TRAM1: variants seen among roughly 807,000 people sequenced by gnomAD.
The protein encoded by TRAM1 is translocation associated membrane protein 1.
A neutral mutation model predicts 48.7 loss-of-function variants in TRAM1; 17 were observed. The observed-to-expected ratio is 0.35, with a 90% confidence interval of 0.24 to 0.52. TRAM1 has a LOEUF of 0.52. Among genes scored for constraint, TRAM1 ranks in the 20% least tolerant of loss-of-function variants. The probability of loss-of-function intolerance (pLI) is 0.94; values close to 1 mark genes in which losing one functional copy is unlikely to be tolerated. For missense variants in TRAM1, 351 were observed against 441.5 expected, an observed-to-expected ratio of 0.79 and a Z score of 1.84; for synonymous variants, 182 against 154.0, an observed-to-expected ratio of 1.18 and a Z score of -1.34.
intron 2 of TRAM1, 107 bp from the exon 3 acceptor site, chr8:70,598,362 A>C (rs1817535721): frequency 8.8e-6 from 10 of 1,133,818 alleles, no homozygotes; most frequent in South Asian, 2.2e-5. Flanking sequence ...CTAATAAAAA[A>C]GTTCTATATT....
chr8:70,594,412 A>G, intron 6 of TRAM1, 94 bp downstream of exon 6: 4 of 869,368 alleles, frequency 4.6e-6, no homozygotes, highest in Non-Finnish European at 6.8e-6. Flanking sequence ...GAATGGAGGA[A>G]GGGCAAACAT....
intron 1 of TRAM1, among the ~76,000 whole-genome samples, chr8:70,604,603 C>A (rs1329299184): frequency 6.6e-6 from 1 of 151,884 alleles, no homozygotes; most frequent in Non-Finnish European, 1.5e-5. Context: ...CTCCCTCAAA[C>A]TTTGTTCTGA....
intron 10 of TRAM1, among the ~76,000 whole-genome samples, chr8:70,576,377 CT>C: frequency 6.6e-6 from 1 of 152,208 alleles, no homozygotes; most frequent in South Asian, 2.1e-4. Flanking sequence ...AGATAAAAGG[CT>C]TACGTTACTA....
chr8:70,580,036 A>G (rs1212776371), intron 10 of TRAM1, among the ~76,000 whole-genome samples: 1 of 152,190 alleles, frequency 6.6e-6, no homozygotes, highest in Non-Finnish European at 1.5e-5. Flanking sequence ...CTTAAAAAAG[A>G]AAATACCTGA....
At chr8:70,596,895 A>G (rs938694370) in intron 4 of TRAM1, among the ~76,000 whole-genome samples, 4 of 151,944 alleles carry the variant, frequency 2.6e-5, no homozygotes, top group Admixed American at 2.0e-4. Context: ...CCACAGAAGT[A>G]TAACTTTTAT....
At chr8:70,599,581 A>G (rs1817561913) in intron 2 of TRAM1, among the ~76,000 whole-genome samples, 1 of 152,258 alleles carries the variant, frequency 6.6e-6, no homozygotes, top group Non-Finnish European at 1.5e-5. Context: ...TTAAAAGTAG[A>G]GCACAGGAAA....
intron 10 of TRAM1, among the ~76,000 whole-genome samples, chr8:70,577,184 G>T (rs1816974261): frequency 6.6e-6 from 1 of 152,164 alleles, no homozygotes; most frequent in South Asian, 2.1e-4. Context: ...GAGGGAGGCC[G>T]AGGGGGGCTG....
At chr8:70,586,368 C>G (rs992166389) in intron 8 of TRAM1, among the ~76,000 whole-genome samples, 3 of 151,358 alleles carry the variant, frequency 2.0e-5, no homozygotes, top group African/African-American at 7.3e-5. Context: ...CACTTGTATA[C>G]ATATGTAACA....
intron 4 of TRAM1, among the ~76,000 whole-genome samples, chr8:70,597,557 C>A (rs979293963): frequency 1.3e-5 from 2 of 148,238 alleles, no homozygotes; most frequent in Non-Finnish European, 3.0e-5. Flanking sequence ...GTAGTCCCAG[C>A]TACTTGGGAA....
intron 9 of TRAM1, 74 bp from the exon 10 acceptor site, chr8:70,583,398 AGT>A: frequency 6.8e-7 from 1 of 1,462,950 alleles, no homozygotes; most frequent in Non-Finnish European, 9.2e-7. Context: ...CATCTTTCAT[AGT>A]ATTTAGTAAT....
chr8:70,598,616 T>C (rs1817540476), intron 2 of TRAM1, among the ~76,000 whole-genome samples: 1 of 152,142 alleles, frequency 6.6e-6, no homozygotes, highest in Admixed American at 6.5e-5. Context: ...TTCAAAGGGC[T>C]TTTGAAACTT....
intron 10 of TRAM1, among the ~76,000 whole-genome samples, chr8:70,579,973 C>T (rs1817040968): frequency 6.6e-6 from 1 of 152,086 alleles, no homozygotes; most frequent in Non-Finnish European, 1.5e-5. Context: ...ACAAATGGCA[C>T]TACTACGTAA....
chr8:70,603,704 G>A (rs1415233916), intron 1 of TRAM1, among the ~76,000 whole-genome samples: 1 of 152,176 alleles, frequency 6.6e-6, no homozygotes, highest in African/African-American at 2.4e-5. Flanking sequence ...GTGACAGAGT[G>A]AGGCTCCATC....
chr8:70,600,130 C>T, intron 1 of TRAM1, 48 bp from the exon 2 acceptor site: 1 of 1,494,260 alleles, frequency 6.7e-7, no homozygotes, highest in Non-Finnish European at 9.3e-7. Flanking sequence ...GACCCTCTCC[C>T]AAATAACAGA....
At chr8:70,586,087 G>T (rs898743922) in intron 8 of TRAM1, among the ~76,000 whole-genome samples, 20 of 151,632 alleles carry the variant, frequency 1.3e-4, no homozygotes, top group Admixed American at 2.0e-4. Flanking sequence ...GGAATACTAT[G>T]CAGCCATAAA....
chr8:70,586,465 T>A (rs945870401), intron 8 of TRAM1, among the ~76,000 whole-genome samples: 3 of 152,146 alleles, frequency 2.0e-5, no homozygotes, highest in Non-Finnish European at 2.9e-5. Context: ...TTACTTTTTT[T>A]AAGACAACTT....
intron 1 of TRAM1, 47 bp downstream of exon 1, chr8:70,608,030 G>C: frequency 1.3e-6 from 2 of 1,539,726 alleles, no homozygotes; most frequent in South Asian, 1.2e-5. Context: ...GCCCGGGCCC[G>C]GGCTGGAGGT....
At chr8:70,597,273 G>A (rs1817508608) in intron 4 of TRAM1, among the ~76,000 whole-genome samples, 1 of 152,152 alleles carries the variant, frequency 6.6e-6, no homozygotes, top group African/African-American at 2.4e-5. Flanking sequence ...TAAGAAGCTT[G>A]GAAAACACTG....
chr8:70,603,678 T>G (rs1254488977), intron 1 of TRAM1, among the ~76,000 whole-genome samples: 1 of 152,136 alleles, frequency 6.6e-6, no homozygotes, highest in Non-Finnish European at 1.5e-5. Context: ...GATCACGCCA[T>G]TGCACTCTAG....
Sources: allele counts gnomAD v4.1 joint callset (sites outside exome capture counted in the v4.1 genomes callset), GRCh38; gene constraint gnomAD v4.1.1; transcripts MANE v1.5; gene names NCBI Gene and HGNC (gene_info 2026-07-23, HGNC 2026-07-21).